GPHN: variants seen among roughly 807,000 people sequenced by gnomAD.
GPHN encodes gephyrin.
Under a neutral mutation model 95.5 loss-of-function variants are expected in GPHN, and 17 were observed. That is an observed-to-expected ratio of 0.18 (90% CI 0.12 to 0.27). GPHN has a LOEUF of 0.27. GPHN is among the 10% of genes least tolerant of loss of function. The probability of loss-of-function intolerance (pLI) is 1.00; values close to 1 mark genes in which losing one functional copy is unlikely to be tolerated. For synonymous variants in GPHN, 320 were observed against 322.5 expected (o/e 0.99, Z 0.08); for missense variants, 660 against 978.1 (o/e 0.67, Z 4.34).
rs181482291 is a variant in GPHN, at chr14:66,687,700, G to T, written c.143+6515G>T. On this transcript the variant is annotated intron_variant, in intron 2 of 22. Coordinates refer to ENST00000478722, the MANE Select transcript of GPHN (RefSeq NM_020806.5). ...GACAGGGTTTCTCCATGTTGTTCAG[G>T]CTGGTCTCTAACTCCTGACCTCAGG... Among the ~76,000 whole-genome samples, 43 of 152,078 alleles carry T rather than the reference G, an allele frequency of 2.8e-4. 3 individuals carry two copies. The East Asian group carries it at 8.1e-3, about 29-fold the overall frequency.
chr14:67,126,764 A>G (rs1013677315), intron 17 of GPHN, among the ~76,000 whole-genome samples: 10 of 152,062 alleles, frequency 6.6e-5, no homozygotes, highest in South Asian at 4.1e-4. Context: ...CCAAAGGACT[A>G]TAAATCATGC....
At chr14:67,412,119 G>C in the GPHN span, 1 of 1,423,516 alleles carries the variant, frequency 7.0e-7, no homozygotes, top group Non-Finnish European at 9.2e-7. Flanking sequence ...CGCGCTCCTC[G>C]GCACCCGCGC....
intron 16 of GPHN, among the ~76,000 whole-genome samples, chr14:67,116,339 A>G (rs1228078183): frequency 1.3e-5 from 2 of 151,928 alleles, no homozygotes; most frequent in African/African-American, 2.4e-5. Flanking sequence ...CAGAAGGAAA[A>G]GAAAAAGGGG....
intron 4 of GPHN, among the ~76,000 whole-genome samples, chr14:66,845,105 A>G (rs1463086635): frequency 6.6e-6 from 1 of 152,094 alleles, no homozygotes; most frequent in Non-Finnish European, 1.5e-5. Context: ...ATATACCACA[A>G]CTTTTTTATC....
chr14:66,508,949 C>T (rs1357510820), intron 1 of GPHN: 1 of 352,754 alleles, frequency 2.8e-6, no homozygotes, highest in Non-Finnish European at 5.4e-6. Context: ...GCATGCCGCT[C>T]TCGGCTGGCC....
intron 1 of GPHN, among the ~76,000 whole-genome samples, chr14:66,678,919 A>T (rs1021712814): frequency 6.6e-6 from 1 of 152,202 alleles, no homozygotes; most frequent in African/African-American, 2.4e-5. Context: ...TTTCCTGGCA[A>T]CATGGATATT....
intron 2 of GPHN, among the ~76,000 whole-genome samples, chr14:66,696,998 G>T (rs1324662282): frequency 6.6e-6 from 1 of 152,040 alleles, no homozygotes; most frequent in Admixed American, 6.6e-5. Flanking sequence ...ATTTATTTTT[G>T]TCAATTTTGT....
intron 8 of GPHN, among the ~76,000 whole-genome samples, chr14:66,933,036 A>G (rs1489517005): frequency 2.0e-5 from 3 of 152,210 alleles, no homozygotes; most frequent in African/African-American, 4.8e-5. Context: ...TCATTGATTA[A>G]CTATTTATTA....
intron 1 of GPHN, among the ~76,000 whole-genome samples, chr14:66,578,913 G>A (rs890089498): frequency 1.3e-5 from 2 of 151,820 alleles, no homozygotes; most frequent in African/African-American, 4.8e-5. Context: ...TAAGTATGTA[G>A]TCAGATTCAG....
At chr14:67,669,379 C>T in the GPHN span, among the ~76,000 whole-genome samples, 1 of 151,578 alleles carries the variant, frequency 6.6e-6, no homozygotes, top group East Asian at 1.9e-4. Flanking sequence ...AAGTGATCCT[C>T]CTGCCTCAGC....
In GPHN at chr14:67,000,843, A is replaced by G. The variant is rs189439895; in HGVS notation, c.964-22790A>G. On this transcript the variant is annotated intron_variant, in intron 9 of 22. Transcript: ENST00000478722. ...TTTGACAGGGATATTTGATATATCCATCTAATTAAAGCATTCTTTAAAAAG... is the reference window on the plus strand; with the variant it reads ...TTTGACAGGGATATTTGATATATCCGTCTAATTAAAGCATTCTTTAAAAAG... Among the ~76,000 whole-genome samples, 1,172 of 151,838 alleles carry G rather than the reference A, an allele frequency of 7.7e-3. 6 individuals are homozygous for G. Among genetic ancestry groups the G allele is most frequent in the Non-Finnish European group, 0.012 (800 of 67,640 alleles).
At chr14:66,880,651 C>G (rs1160985005) in intron 5 of GPHN, among the ~76,000 whole-genome samples, 1 of 151,818 alleles carries the variant, frequency 6.6e-6, no homozygotes, top group Non-Finnish European at 1.5e-5. Flanking sequence ...AAAAAAGAAG[C>G]TCAATTCATA....
the GPHN span, chr14:67,692,585 C>T: frequency 6.4e-7 from 1 of 1,574,056 alleles, no homozygotes; most frequent in African/African-American, 1.4e-5. Context: ...GCTAAATATA[C>T]TCGAGCTCCT....
At chr14:67,038,259 T>C (rs1224580373) in intron 10 of GPHN, among the ~76,000 whole-genome samples, 2 of 152,084 alleles carry the variant, frequency 1.3e-5, no homozygotes, top group African/African-American at 4.8e-5. Flanking sequence ...GTAATTGAAC[T>C]CATAGAAAGT....
chr14:67,196,223 C>CTTTTTTTTTTTTTTTTTT, the GPHN span, among the ~76,000 whole-genome samples: 1 of 143,118 alleles, frequency 7.0e-6, no homozygotes, highest in Non-Finnish European at 1.5e-5. Context: ...TTCTTTCTTT[C>CTTTTTTTTTTTTTTTTTT]TTTTTTTTTT....
chr14:67,670,710 G>A, the GPHN span, among the ~76,000 whole-genome samples: 9 of 152,166 alleles, frequency 5.9e-5, no homozygotes, highest in South Asian at 1.9e-3. Flanking sequence ...TGTATTTTGA[G>A]TAGAGATGGG....
intron 1 of GPHN, among the ~76,000 whole-genome samples, chr14:66,598,983 G>C (rs1192275762): frequency 2.0e-5 from 3 of 152,068 alleles, no homozygotes; most frequent in African/African-American, 7.2e-5. Flanking sequence ...TTTTTTATAC[G>C]TTGTGCATAA....
intron 11 of GPHN, among the ~76,000 whole-genome samples, chr14:67,074,646 A>T (rs2076428035): frequency 6.6e-6 from 1 of 152,214 alleles, no homozygotes; most frequent in Non-Finnish European, 1.5e-5. Context: ...TGAGGAAGGC[A>T]TGTCAAAAGC....
intron 4 of GPHN, among the ~76,000 whole-genome samples, chr14:66,866,675 GAA>G (rs1230799976): frequency 6.6e-6 from 1 of 151,976 alleles, no homozygotes; most frequent in Non-Finnish European, 1.5e-5. Flanking sequence ...TAGTTAAAGT[GAA>G]AAAAACTTGA....
Sources: gnomAD v4.1 joint callset for allele counts (sites outside exome capture counted in the v4.1 genomes callset) on GRCh38, gnomAD v4.1.1 for gene constraint, MANE v1.5 for transcripts, NCBI Gene and HGNC (gene_info 2026-07-23, HGNC 2026-07-21) for gene names.